Variants in ST3GAL6 observed in about 807,000 individuals in gnomAD.
The protein encoded by ST3GAL6 is type 2 lactosamine alpha-2,3-sialyltransferase.
ST3GAL6 carries 31 observed loss-of-function variants against 40.5 expected under a neutral mutation model. The observed-to-expected ratio is 0.77, with a 90% CI of 0.58 to 1.03. The LOEUF (loss-of-function observed/expected upper bound fraction) is 1.03. Among genes scored for constraint, ST3GAL6 ranks in the 50% least tolerant of loss-of-function variants. The probability of loss-of-function intolerance (pLI) is 0.00; values close to 1 mark genes in which losing one functional copy is unlikely to be tolerated. For synonymous variants in ST3GAL6, 129 were observed against 136.9 expected (o/e 0.94, Z 0.40); for missense variants, 357 against 393.2 (o/e 0.91, Z 0.78).
chr3:98,778,998 A>G (rs1576109758), intron 5 of ST3GAL6, among the ~76,000 whole-genome samples: 1 of 152,160 alleles, frequency 6.6e-6, no homozygotes, highest in South Asian at 2.1e-4. Flanking sequence ...ATTCATTCAT[A>G]TAGTTATCTG....
At chr3:98,781,776 T>C (rs1940151134) in intron 5 of ST3GAL6, among the ~76,000 whole-genome samples, 1 of 152,214 alleles carries the variant, frequency 6.6e-6, no homozygotes, top group Admixed American at 6.5e-5. Flanking sequence ...TTAGACTAGA[T>C]ACCATCTATA....
intron 8 of ST3GAL6, among the ~76,000 whole-genome samples, chr3:98,790,922 T>C (rs1941147524): frequency 6.6e-6 from 1 of 152,208 alleles, no homozygotes; most frequent in Non-Finnish European, 1.5e-5. Flanking sequence ...GAAAATTTTA[T>C]GCTGAAGGCA....
chr3:98,745,318 G>A (rs376944820), intron 1 of ST3GAL6, among the ~76,000 whole-genome samples: 1 of 152,210 alleles, frequency 6.6e-6, no homozygotes, highest in East Asian at 1.9e-4. Flanking sequence ...ACAGGCGTGA[G>A]CCACTGCGCC....
At chr3:98,776,163 T>C (rs1939531103) in intron 5 of ST3GAL6, among the ~76,000 whole-genome samples, 1 of 152,220 alleles carries the variant, frequency 6.6e-6, no homozygotes, top group Non-Finnish European at 1.5e-5. Context: ...TAGTATTAAA[T>C]TTTGCCTATA....
At chr3:98,774,746 G>C (rs1939349162) in intron 5 of ST3GAL6, among the ~76,000 whole-genome samples, 1 of 152,208 alleles carries the variant, frequency 6.6e-6, no homozygotes, top group African/African-American at 2.4e-5. Flanking sequence ...TGCAGAGAGT[G>C]AGGGTAGTGG....
intron 2 of ST3GAL6, among the ~76,000 whole-genome samples, chr3:98,768,947 T>C (rs376513646): frequency 2.0e-5 from 3 of 152,334 alleles, no homozygotes; most frequent in South Asian, 2.1e-4. Context: ...CGATGATATA[T>C]GTATCTTCTG....
chr3:98,741,051 AGTGTGT>A (rs35649214), intron 1 of ST3GAL6, among the ~76,000 whole-genome samples: 99 of 145,222 alleles, frequency 6.8e-4, no homozygotes, highest in African/African-American at 2.4e-3. Flanking sequence ...AGAGGGATTC[AGTGTGT>A]GTGTGTGTGT....
chr3:98,779,928 G>T (rs1225002877), intron 5 of ST3GAL6, among the ~76,000 whole-genome samples: 1 of 152,138 alleles, frequency 6.6e-6, no homozygotes, highest in Non-Finnish European at 1.5e-5. Context: ...TAGATGGGAG[G>T]ATACAGAGAT....
Position 98,735,767 on chromosome 3 carries a change from T to G in ST3GAL6, c.-12+3235T>G, listed in dbSNP as rs533162247. ...GGTTAAAATGGATTTTGATTTGGAG[T>G]GAGCTTGATGCATGGAATAGAATGT... On this transcript the variant is annotated intron_variant, in intron 1 of 9. Transcript: ENST00000265261. 3.2e-4 allele frequency among the ~76,000 whole-genome samples: 48 copies of G among 152,202 alleles called. 1 individual carries two copies. The highest frequency in any genetic ancestry group is 2.9e-3 in the Admixed American group (44 of 15,292).
chr3:98,746,585 A>G (rs1276026730), intron 1 of ST3GAL6, among the ~76,000 whole-genome samples: 2 of 152,130 alleles, frequency 1.3e-5, no homozygotes, highest in African/African-American at 2.4e-5. Context: ...TGAAAGATCT[A>G]CCTTTTAATG....
At chr3:98,759,543 C>T (rs186751912), upstream of ST3GAL6, among the ~76,000 whole-genome samples, 48 of 151,984 alleles carry the variant, frequency 3.2e-4, no homozygotes, top group East Asian at 1.7e-3. Flanking sequence ...GAGGGGAACC[C>T]GTGTAAAATG....
intron 9 of ST3GAL6, 143 bp downstream of exon 9, chr3:98,792,136 T>TGTA: frequency 1.4e-6 from 1 of 698,470 alleles, no homozygotes; most frequent in Non-Finnish European, 2.1e-6. Context: ...ATTACAGGGC[T>TGTA]ACCAAGGGCT....
At chr3:98,762,152 T>C (rs1937856726), upstream of ST3GAL6, among the ~76,000 whole-genome samples, 1 of 152,218 alleles carries the variant, frequency 6.6e-6, no homozygotes, top group Non-Finnish European at 1.5e-5. Flanking sequence ...TGCATATGCA[T>C]GTCGGAACCA....
At chr3:98,775,648 G>A (rs1229812827) in intron 5 of ST3GAL6, among the ~76,000 whole-genome samples, 1 of 152,086 alleles carries the variant, frequency 6.6e-6, no homozygotes, top group Non-Finnish European at 1.5e-5. Context: ...TTATTTAGTT[G>A]CTTTCATAAC....
chr3:98,789,578 C>A (rs916137492), intron 8 of ST3GAL6, among the ~76,000 whole-genome samples: 2 of 152,066 alleles, frequency 1.3e-5, no homozygotes, highest in Non-Finnish European at 2.9e-5. Flanking sequence ...AATAATATAG[C>A]AGTACATGTG....
At chr3:98,764,367 A>G (rs1037873155) in intron 1 of ST3GAL6, among the ~76,000 whole-genome samples, 1 of 152,116 alleles carries the variant, frequency 6.6e-6, no homozygotes, top group African/African-American at 2.4e-5. Flanking sequence ...TTGTTTTTAT[A>G]AACAATGCTA....
chr3:98,759,790 T>C (rs1464562422), upstream of ST3GAL6, among the ~76,000 whole-genome samples: 1 of 152,172 alleles, frequency 6.6e-6, no homozygotes, highest in African/African-American at 2.4e-5. Flanking sequence ...ATGATTCAGT[T>C]GGCACTTAGG....
At chr3:98,775,267 G>A (rs1047359622) in intron 5 of ST3GAL6, among the ~76,000 whole-genome samples, 6 of 152,198 alleles carry the variant, frequency 3.9e-5, no homozygotes, top group Non-Finnish European at 5.9e-5. Flanking sequence ...TCGTGAGGTC[G>A]GAGTTCGAGA....
At chr3:98,732,497 C>G (rs1935104426) in exon 1 of ST3GAL6, 1 of 202,206 alleles carries the variant, frequency 4.9e-6, no homozygotes, top group South Asian at 1.4e-4. Flanking sequence ...CGGCGCCCGG[C>G]GAGGGCGCGC....
Sources: allele counts gnomAD v4.1 joint callset (sites outside exome capture counted in the v4.1 genomes callset), GRCh38; gene constraint gnomAD v4.1.1; transcripts MANE v1.5; gene names NCBI Gene and HGNC (gene_info 2026-07-23, HGNC 2026-07-21).